The following RARB variants were observed in gnomAD, a reference collection of about 807,000 sequenced individuals.
RARB encodes HBV-activated protein.
RARB carries 17 observed loss-of-function variants against 51.9 expected under a neutral mutation model. That is an observed-to-expected ratio of 0.33 (90% CI 0.22 to 0.49). The LOEUF (loss-of-function observed/expected upper bound fraction) is 0.49. Ranked by LOEUF, RARB falls within the 20% of genes least tolerant of loss-of-function variation. The pLI is 0.99. For missense variants in RARB, 369 were observed against 550.8 expected (o/e 0.67, Z 3.30); for synonymous variants, 215 against 195.4 (o/e 1.10, Z -0.84).
At chr3:25,167,380 A>T (rs1262933445) in intron 4 of RARB, among the ~76,000 whole-genome samples, 1 of 152,218 alleles carries the variant, frequency 6.6e-6, no homozygotes, top group East Asian at 1.9e-4. Flanking sequence ...ACTGACAAGA[A>T]ATGGCACCAA....
intron 2 of RARB, among the ~76,000 whole-genome samples, chr3:25,022,750 A>G (rs923262065): frequency 2.6e-5 from 4 of 152,168 alleles, no homozygotes; most frequent in Non-Finnish European, 5.9e-5. Flanking sequence ...CAAGATGACA[A>G]TGAGTACTCC....
intron 3 of RARB, among the ~76,000 whole-genome samples, chr3:25,098,367 T>G (rs954890532): frequency 6.6e-6 from 1 of 152,178 alleles, no homozygotes; most frequent in Non-Finnish European, 1.5e-5. Context: ...AACTTAGAAG[T>G]TTGAGATCTC....
intron 5 of RARB, among the ~76,000 whole-genome samples, chr3:25,385,205 C>G (rs1373925936): frequency 6.6e-6 from 1 of 152,144 alleles, no homozygotes; most frequent in Non-Finnish European, 1.5e-5. Context: ...TCAGACTATT[C>G]CCTTTGTCTC....
At chr3:25,370,046 C>T (rs1706251751) in intron 5 of RARB, among the ~76,000 whole-genome samples, 1 of 152,152 alleles carries the variant, frequency 6.6e-6, no homozygotes, top group Admixed American at 6.6e-5. Context: ...ACAAAACACA[C>T]ACCCTATGTA....
intron 5 of RARB, among the ~76,000 whole-genome samples, chr3:25,176,183 C>G (rs937883697): frequency 6.6e-6 from 1 of 152,008 alleles, no homozygotes. Flanking sequence ...GCTGAATGAT[C>G]AAATTTGGCA....
chr3:25,167,939 G>A (rs1320713602), intron 4 of RARB, among the ~76,000 whole-genome samples: 2 of 152,150 alleles, frequency 1.3e-5, no homozygotes, highest in Admixed American at 6.5e-5. Flanking sequence ...CAAATAAAAA[G>A]CCCATTAATC....
intron 1 of RARB, among the ~76,000 whole-genome samples, chr3:25,460,440 A>ATTTATTTATTTC (rs1176394005): frequency 1.3e-5 from 2 of 150,406 alleles, no homozygotes; most frequent in African/African-American, 4.9e-5. Context: ...TTATTTATTT[A>ATTTATTTATTTC]TTTATTTATT....
intron 3 of RARB, among the ~76,000 whole-genome samples, chr3:25,524,624 CCCTG>C (rs1274117246): frequency 4.1e-5 from 6 of 144,742 alleles, no homozygotes; most frequent in South Asian, 4.6e-4. Context: ...CTTCCTCCCT[CCCTG>C]CCTCCCTCCT....
At chr3:25,019,758 T>TA (rs902340238) in intron 2 of RARB, among the ~76,000 whole-genome samples, 2 of 152,126 alleles carry the variant, frequency 1.3e-5, no homozygotes, top group African/African-American at 4.8e-5. Flanking sequence ...CTTAGGAAGA[T>TA]AAACAACAGG....
At chr3:25,330,266 A>G (rs1704852275) in intron 5 of RARB, among the ~76,000 whole-genome samples, 1 of 152,172 alleles carries the variant, frequency 6.6e-6, no homozygotes, top group South Asian at 2.1e-4. Flanking sequence ...GCCAGAGAGA[A>G]AGGTCAGGTT....
chr3:25,351,179 C>T (rs1705557986), intron 5 of RARB, among the ~76,000 whole-genome samples: 1 of 152,062 alleles, frequency 6.6e-6, no homozygotes, highest in Non-Finnish European at 1.5e-5. Flanking sequence ...GAGGCTTAAC[C>T]AGGTAGTTTT....
chr3:25,347,087 T>C (rs533849151), intron 5 of RARB, among the ~76,000 whole-genome samples: 21 of 152,310 alleles, frequency 1.4e-4, no homozygotes, highest in African/African-American at 5.1e-4. Context: ...CGGGAAAACA[T>C]ACCAGATTAC....
intron 2 of RARB, among the ~76,000 whole-genome samples, chr3:24,977,637 C>T (rs1337504506): frequency 6.6e-6 from 1 of 151,916 alleles, no homozygotes; most frequent in Non-Finnish European, 1.5e-5. Flanking sequence ...TGCTTATCAG[C>T]TTAAGAAGAT....
rs1369604 is a variant in RARB, at chr3:25,523,331, G to C, written c.448+22008G>C. 7.0e-4 allele frequency among the ~76,000 whole-genome samples: 107 copies of C among 152,316 alleles called. No homozygotes were observed. In the Middle Eastern group the frequency reaches 0.014, roughly 19 times the overall value. On this transcript the variant is annotated intron_variant, in intron 3 of 7. Transcript: ENST00000330688. ...AGGGTGTGATCATTGTCTCAAGGAA[G>C]TGTGGGTAAGTTTTTTGGCAAAGCG...
intron 2 of RARB, among the ~76,000 whole-genome samples, chr3:24,994,553 C>T (rs1696981190): frequency 6.6e-6 from 1 of 151,938 alleles, no homozygotes; most frequent in South Asian, 2.1e-4. Flanking sequence ...TCAGGTCTTA[C>T]TCATAAAATC....
At chr3:24,961,199 G>A (rs1439894181) in intron 2 of RARB, among the ~76,000 whole-genome samples, 2 of 152,172 alleles carry the variant, frequency 1.3e-5, no homozygotes, top group Non-Finnish European at 2.9e-5. Flanking sequence ...AGACACCAAA[G>A]AGATTCTGTT....
intron 2 of RARB, among the ~76,000 whole-genome samples, chr3:24,955,019 G>A (rs1031585131): frequency 1.3e-5 from 2 of 152,170 alleles, no homozygotes; most frequent in African/African-American, 4.8e-5. Flanking sequence ...GGAGAGTCAG[G>A]GTGGCAGCCT....
chr3:25,316,043 T>A (rs1204725581), intron 5 of RARB, among the ~76,000 whole-genome samples: 1 of 152,230 alleles, frequency 6.6e-6, no homozygotes, highest in Non-Finnish European at 1.5e-5. Flanking sequence ...GGTTTATATT[T>A]GTTTTTTGAT....
chr3:25,423,185 T>C (rs1707905288), intron 5 of RARB, among the ~76,000 whole-genome samples: 1 of 152,236 alleles, frequency 6.6e-6, no homozygotes, highest in Non-Finnish European at 1.5e-5. Context: ...CATCAAATTT[T>C]AAGATGCTCA....
Sources: allele counts gnomAD v4.1 joint callset (sites outside exome capture counted in the v4.1 genomes callset), GRCh38; gene constraint gnomAD v4.1.1; transcripts MANE v1.5; gene names NCBI Gene and HGNC (gene_info 2026-07-23, HGNC 2026-07-21).